SYTL2: variants seen among roughly 807,000 people sequenced by gnomAD.
SYTL2 encodes synaptotagmin-like protein 2.
A neutral mutation model predicts 198.7 loss-of-function variants in SYTL2; 165 were observed. The ratio of observed to expected loss-of-function variants is 0.83; its 90% CI spans 0.73 to 0.94. The LOEUF (loss-of-function observed/expected upper bound fraction) is 0.94, where lower values mean the gene tolerates loss of function less well. Ranked by LOEUF, SYTL2 falls within the 40% of genes least tolerant of loss-of-function variation. The pLI is 0.00. For synonymous variants in SYTL2, 966 were observed against 917.7 expected (o/e 1.05, Z -0.95); for missense variants, 2,835 against 2,582.8 (o/e 1.10, Z -2.12).
intron 8 of SYTL2, among the ~76,000 whole-genome samples, chr11:85,722,204 A>T (rs1265128359): frequency 1.6e-5 from 2 of 124,100 alleles, no homozygotes; most frequent in Non-Finnish European, 3.2e-5. Flanking sequence ...TTTGAGATGA[A>T]GTCTTGCTCT....
At chr11:85,826,102 A>C in the SYTL2 span, among the ~76,000 whole-genome samples, 3,415 of 152,338 alleles carry the variant, frequency 0.022, 109 homozygotes, top group African/African-American at 0.076. Flanking sequence ...AGTGGAGTTC[A>C]TGAACATTGA....
intron 1 of SYTL2, among the ~76,000 whole-genome samples, chr11:85,775,261 A>G (rs2092432077): frequency 6.6e-6 from 1 of 152,144 alleles, no homozygotes; most frequent in East Asian, 1.9e-4. Context: ...CCTGAATGAC[A>G]GTATCCTCTG....
rs142041301 is a variant in SYTL2 at position 85,801,859 on chromosome 11, C to T, written c.-390+9095G>A. ...TTTTTCAGATGGAGTCTTACACTGT[C>T]GCTGGAGTGCAATGGCGCGATCTCG... On this transcript the variant is annotated intron_variant, in intron 1 of 19. Coordinates refer to ENST00000359152, the MANE Select transcript of SYTL2 (RefSeq NM_206927.4). 9.8e-4 allele frequency among the ~76,000 whole-genome samples: 147 copies of T among 149,412 alleles called. 1 individual carries two copies. The East Asian group carries it at 0.026, about 27-fold the overall frequency.
chr11:85,697,939 G>T, intron 18 of SYTL2, 40 bp downstream of exon 18: 1 of 1,338,160 alleles, frequency 7.5e-7, no homozygotes, highest in Non-Finnish European at 1.1e-6. Flanking sequence ...CAAAGACCAG[G>T]CTACAGAACT....
In SYTL2 at chr11:85,724,396, A is replaced by T; in HGVS notation, c.4962T>A (p.Gly1654=). Residue 1654 remains glycine, a synonymous_variant, in exon 8 of 20, where the codon GGT becomes GGA. Transcript: ENST00000359152. The stretch of plus-strand genomic sequence containing the variant: ...TAGGGATCTCAACTCCACTTCTGGA[A>T]CCACAAAAATCTACCAATAAATCAG... The part of the protein sequence containing the change: ...LVTDLLVDFC[G]SRSGVEIPRT... 6.3e-7 allele frequency: 1 copy of T among 1,597,120 alleles called. No homozygotes were observed. Among genetic ancestry groups the T allele is most frequent in the Non-Finnish European group, 8.5e-7 (1 of 1,173,116 alleles).
At chr11:85,710,004 T>A (rs959348036) in intron 13 of SYTL2, among the ~76,000 whole-genome samples, 1 of 152,212 alleles carries the variant, frequency 6.6e-6, no homozygotes, top group Non-Finnish European at 1.5e-5. Context: ...TTAAATAATT[T>A]TCCCTATAAG....
In SYTL2 at chr11:85,734,216, A is replaced by G; in HGVS notation, c.1113T>C (p.Asp371=). 1 of 1,614,222 alleles carries G rather than the reference A, an allele frequency of 6.2e-7. No homozygotes were observed. Among genetic ancestry groups the G allele is most frequent in the Middle Eastern group, 1.6e-4 (1 of 6,062 alleles). The change falls in exon 7 of 20, where the codon GAT becomes GAC. Residue 371 remains aspartate (D), a synonymous_variant. Transcript: ENST00000359152. ...ESDRLKNGME[D]AGDTEEFQSD... ...TCTGAAACTCTTCTGTGTCCCCTGC[A>G]TCTTCCATTCCATTTTTCAATCTGT...
In SYTL2 at chr11:85,734,000, T is replaced by G; in HGVS notation, c.1329A>C (p.Glu443Asp). 1 of 1,614,168 alleles carries G rather than the reference T, an allele frequency of 6.2e-7. No individual in the cohort carries two copies. Among genetic ancestry groups the G allele is most frequent in the Non-Finnish European group, 8.5e-7 (1 of 1,179,994 alleles). Residue 443 changes from glutamate (E) to aspartate (D), a missense_variant, in exon 7 of 20, where the codon GAA (glutamate) becomes GAC (aspartate). Physicochemically the swap from Glu to Asp is conservative, Grantham distance 45 (BLOSUM62 2). Transcript: ENST00000359152. ...QSMENSPTIN[E>D]PKDKSSELTR... Reference sequence around the variant, plus strand: ...TTAATTCTGATGATTTATCTTTGGGTTCATTGATGGTTGGTGAATTCTCCA... The same window carrying G: ...TTAATTCTGATGATTTATCTTTGGGGTCATTGATGGTTGGTGAATTCTCCA...
the SYTL2 span, among the ~76,000 whole-genome samples, chr11:85,830,280 T>C: frequency 6.6e-6 from 1 of 152,314 alleles, no homozygotes; most frequent in East Asian, 1.9e-4. Flanking sequence ...TGAAAACCAA[T>C]GGTCTACTGG....
chr11:85,718,923 C>T, intron 9 of SYTL2, 80 bp from the exon 10 acceptor site: 1 of 1,571,928 alleles, frequency 6.4e-7, no homozygotes, highest in Admixed American at 1.8e-5. Flanking sequence ...CCTGGAAGCC[C>T]CCGGAGTTGG....
the SYTL2 span, among the ~76,000 whole-genome samples, chr11:85,829,967 T>G: frequency 2.0e-5 from 3 of 152,222 alleles, no homozygotes; most frequent in African/African-American, 7.2e-5. Flanking sequence ...GGAAACAATT[T>G]CTAAATGTCA....
rs556659947 is a variant in SYTL2 at position 85,732,088 on chromosome 11, A to G, written c.1390+1851T>C. On this transcript the variant is annotated intron_variant, in intron 7 of 19. Coordinates refer to ENST00000359152, the MANE Select transcript of SYTL2 (RefSeq NM_206927.4). Reference sequence around the variant, plus strand: ...GAATGGTGATCATTAAAAAGTCAGGAAACAACCGATGCTGGAGAGGATGTG... The same window carrying G: ...GAATGGTGATCATTAAAAAGTCAGGGAACAACCGATGCTGGAGAGGATGTG... Among the ~76,000 whole-genome samples, 3 of 152,292 alleles carry G rather than the reference A, an allele frequency of 2.0e-5. No individual in the cohort carries two copies. In the East Asian group the frequency reaches 5.8e-4, roughly 29 times the overall value.
the SYTL2 span, among the ~76,000 whole-genome samples, chr11:85,843,938 A>G: frequency 1.3e-5 from 2 of 152,308 alleles, no homozygotes; most frequent in East Asian, 3.9e-4. Context: ...TTCTTAAACA[A>G]AATAAGCATC....
At chr11:85,820,279 A>G in the SYTL2 span, among the ~76,000 whole-genome samples, 1 of 152,218 alleles carries the variant, frequency 6.6e-6, no homozygotes, top group Non-Finnish European at 1.5e-5. Flanking sequence ...AACGATTTAA[A>G]TATAATTGAT....
chr11:85,757,452 A>T (rs1464701485), intron 2 of SYTL2, among the ~76,000 whole-genome samples, 173 bp downstream of exon 2: 1 of 152,212 alleles, frequency 6.6e-6, no homozygotes, highest in African/African-American at 2.4e-5. Flanking sequence ...GGATAAATTA[A>T]GAGGCACCAA....
chr11:85,832,686 T>C, the SYTL2 span, among the ~76,000 whole-genome samples: 1 of 151,926 alleles, frequency 6.6e-6, no homozygotes, highest in Non-Finnish European at 1.5e-5. Flanking sequence ...ACCAGACAAA[T>C]GAGTTGGTCT....
Position 85,809,284 on chromosome 11 carries a change from A to T in SYTL2, c.-390+1670T>A, listed in dbSNP as rs542178919. ...TAGACCCCAAACCACCTCTAGGATA[A>T]AGCAAACAGGGCCCTGCCCCACCCA... On this transcript the variant is annotated intron_variant, in intron 1 of 19. Coordinates refer to ENST00000359152, the MANE Select transcript of SYTL2 (RefSeq NM_206927.4). Among the ~76,000 whole-genome samples the T allele has an allele frequency of 5.8e-4, 88 of 152,332 alleles. 1 individual carries two copies. The Middle Eastern group carries it at 0.01, about 18-fold the overall frequency.
intron 1 of SYTL2, among the ~76,000 whole-genome samples, chr11:85,789,354 A>ATATATG (rs2092691523): frequency 3.5e-5 from 2 of 57,246 alleles, no homozygotes; most frequent in African/African-American, 7.4e-5. Context: ...ATATATATAT[A>ATATATG]TATATATATA....
rs903433909 is a variant in SYTL2 at position 85,726,355 on chromosome 11, G to C, written c.3003C>G (p.Asp1001Glu). Residue 1001 changes from aspartate to glutamate, a missense_variant, in exon 8 of 20, where the codon GAC becomes GAG. Around this residue, in one of 3 missense-constraint regions of SYTL2, gnomAD observed 2,645 missense variants for 2,381.7 expected, o/e 1.11. Transcript: ENST00000359152. ...TTTGGCTTGTGGTGGTAATATTCTT[G>C]TCATTATCCTTACTGTTTGAATTAG... Reference protein sequence around the residue: ...LEANSNSKDNDKNITTTSQKN... With the variant: ...LEANSNSKDNEKNITTTSQKN... 34 of 1,613,884 alleles carry C rather than the reference G, an allele frequency of 2.1e-5. No homozygotes were observed. The highest frequency in any genetic ancestry group is 2.8e-5 in the Non-Finnish European group (33 of 1,179,958).
Sources: gnomAD v4.1 joint callset for allele counts (sites outside exome capture counted in the v4.1 genomes callset) on GRCh38, gnomAD v4.1.1 for gene constraint, gnomAD v4.1.1 regional missense constraint, MANE v1.5 for transcripts, NCBI Gene and HGNC (gene_info 2026-07-23, HGNC 2026-07-21) for gene names.